Variants in NAALADL2 observed in about 807,000 individuals in gnomAD.
NAALADL2 encodes the protein N-acetylated alpha-linked acidic dipeptidase like 2.
In NAALADL2, 76 loss-of-function variants were observed where a neutral mutation model predicts 87.2. The ratio of observed to expected loss-of-function variants is 0.87; its 90% CI spans 0.72 to 1.05. NAALADL2 has a LOEUF of 1.05. Ranked by LOEUF, NAALADL2 falls within the 50% of genes least tolerant of loss-of-function variation. The pLI, the probability that NAALADL2 is intolerant of heterozygous loss-of-function variation, is 0.00. For synonymous variants in NAALADL2, 354 were observed against 331.0 expected (o/e 1.07, Z -0.75); for missense variants, 1,089 against 945.8 (o/e 1.15, Z -1.99).
intron 2 of NAALADL2, among the ~76,000 whole-genome samples, chr3:174,702,858 T>C (rs2108887413): frequency 6.6e-6 from 1 of 152,278 alleles, no homozygotes; most frequent in South Asian, 2.1e-4. Context: ...TTTGACCTAG[T>C]ATTTTGTAGT....
intron 2 of NAALADL2, among the ~76,000 whole-genome samples, chr3:175,207,455 C>G (rs564341217): frequency 9.9e-5 from 15 of 151,890 alleles, no homozygotes; most frequent in African/African-American, 2.6e-4. Flanking sequence ...GACTTACTTT[C>G]TCCCGTACAA....
At chr3:175,697,736 T>C (rs982650217) in intron 11 of NAALADL2, among the ~76,000 whole-genome samples, 3 of 148,608 alleles carry the variant, frequency 2.0e-5, no homozygotes, top group Non-Finnish European at 4.5e-5. Flanking sequence ...AATTTATATA[T>C]TTACATACAC....
intron 2 of NAALADL2, among the ~76,000 whole-genome samples, chr3:174,657,247 C>T (rs538041188): frequency 1.1e-4 from 16 of 151,898 alleles, no homozygotes; most frequent in African/African-American, 2.7e-4. Context: ...TTGCTGGTCT[C>T]GAACTCCTGG....
chr3:175,488,737 A>G (rs1727652767), intron 9 of NAALADL2, among the ~76,000 whole-genome samples: 1 of 152,228 alleles, frequency 6.6e-6, no homozygotes, highest in Non-Finnish European at 1.5e-5. Context: ...CTGATAAGTT[A>G]TTGGAAAAGG....
intron 4 of NAALADL2, among the ~76,000 whole-genome samples, chr3:175,273,733 C>CGT (rs35081448): frequency 0.19 from 28,451 of 148,778 alleles, 2,743 homozygotes; most frequent in African/African-American, 0.25. Flanking sequence ...TGTGTGTGTG[C>CGT]GTGTGTGTGT....
chr3:174,618,328 C>A (rs1175917588), intron 2 of NAALADL2, among the ~76,000 whole-genome samples: 2 of 151,674 alleles, frequency 1.3e-5, no homozygotes, highest in Non-Finnish European at 3.0e-5. Flanking sequence ...TTCAGTGATG[C>A]TGTATTGTGG....
chr3:174,887,521 A>ATGGT (rs1395937345), intron 1 of NAALADL2, among the ~76,000 whole-genome samples: 1 of 152,212 alleles, frequency 6.6e-6, no homozygotes, highest in Non-Finnish European at 1.5e-5. Flanking sequence ...ACAGCCAGTC[A>ATGGT]TGGTGGCTCA....
chr3:174,672,487 T>C (rs924629338), intron 2 of NAALADL2, among the ~76,000 whole-genome samples: 1 of 152,060 alleles, frequency 6.6e-6, no homozygotes, highest in Admixed American at 6.6e-5. Flanking sequence ...TTCTGGATCT[T>C]ATGTTCTAGC....
chr3:174,816,868 G>T (rs924798552), intron 3 of NAALADL2, among the ~76,000 whole-genome samples: 1 of 152,140 alleles, frequency 6.6e-6, no homozygotes, highest in Non-Finnish European at 1.5e-5. Context: ...ATGATTAGGA[G>T]TGCATTAGTG....
chr3:174,681,318 A>G (rs561358004), intron 2 of NAALADL2, among the ~76,000 whole-genome samples: 1 of 152,268 alleles, frequency 6.6e-6, no homozygotes, highest in African/African-American at 2.4e-5. Context: ...GCTTGAAGCC[A>G]GTAGACTTGG....
intron 2 of NAALADL2, among the ~76,000 whole-genome samples, chr3:174,645,877 T>C (rs1344343608): frequency 6.6e-6 from 1 of 152,192 alleles, no homozygotes; most frequent in Non-Finnish European, 1.5e-5. Flanking sequence ...TTATATTTTC[T>C]GGAGTCATGC....
chr3:175,630,272 G>T (rs186209470), intron 11 of NAALADL2, among the ~76,000 whole-genome samples: 96 of 151,794 alleles, frequency 6.3e-4, no homozygotes, highest in Non-Finnish European at 1.0e-3. Flanking sequence ...TCGAGTACAG[G>T]ATATATGGAG....
At chr3:175,379,420 G>T (rs1204312510) in intron 5 of NAALADL2, among the ~76,000 whole-genome samples, 1 of 151,826 alleles carries the variant, frequency 6.6e-6, no homozygotes, top group East Asian at 1.9e-4. Context: ...AAGTGTTTCT[G>T]GGTGGAAAGC....
chr3:175,647,581 A>G lies in NAALADL2; in HGVS notation c.1896+20195A>G, dbSNP rs143931640. ...GAGTCTCTTAGATAGAGGACTGGAA[A>G]CTACAACCAAGAATCATTTGTGAAG... is the stretch of plus-strand genomic sequence containing the variant. On this transcript the variant is annotated intron_variant, in intron 11 of 13. Transcript: ENST00000454872. 2.1e-3 allele frequency among the ~76,000 whole-genome samples: 318 copies of G among 152,294 alleles called. 1 individual carries two copies. Among genetic ancestry groups the G allele is most frequent in the African/African-American group, 7.4e-3 (306 of 41,562 alleles).
chr3:175,785,696 C>G (rs2150233641), intron 13 of NAALADL2, among the ~76,000 whole-genome samples: 2 of 137,470 alleles, frequency 1.5e-5, no homozygotes, highest in East Asian at 4.1e-4. Flanking sequence ...AGCATTTAGT[C>G]CATTTACATT....
At chr3:175,632,984 G>C (rs531287453) in intron 11 of NAALADL2, among the ~76,000 whole-genome samples, 58 of 152,220 alleles carry the variant, frequency 3.8e-4, no homozygotes, top group African/African-American at 1.3e-3. Context: ...GGCAGCACAG[G>C]TTACAGGAAA....
At chr3:174,802,060 T>A (rs1018266848) in intron 3 of NAALADL2, among the ~76,000 whole-genome samples, 6 of 152,068 alleles carry the variant, frequency 3.9e-5, no homozygotes, top group African/African-American at 1.2e-4. Context: ...GAGATGCTTT[T>A]AAAAAACTTT....
chr3:174,895,455 T>C (rs1436040270), intron 1 of NAALADL2, among the ~76,000 whole-genome samples: 1 of 152,044 alleles, frequency 6.6e-6, no homozygotes, highest in Non-Finnish European at 1.5e-5. Context: ...ACTAGATACA[T>C]GCAACCTACC....
chr3:174,713,463 C>G (rs1420592003), intron 2 of NAALADL2, among the ~76,000 whole-genome samples: 1 of 151,616 alleles, frequency 6.6e-6, no homozygotes, highest in South Asian at 2.1e-4. Flanking sequence ...TCTCCAGCAC[C>G]TGTTGTTTCC....
Sources: gnomAD v4.1 joint callset for allele counts (sites outside exome capture counted in the v4.1 genomes callset) on GRCh38, gnomAD v4.1.1 for gene constraint, MANE v1.5 for transcripts, NCBI Gene and HGNC (gene_info 2026-07-23, HGNC 2026-07-21) for gene names.